EYA1: variants seen among roughly 807,000 people sequenced by gnomAD.
The protein encoded by EYA1 is EYA transcriptional coactivator and phosphatase 1.
A neutral mutation model predicts 82.0 loss-of-function variants in EYA1; 16 were observed. The observed-to-expected ratio is 0.20, with a 90% confidence interval of 0.13 to 0.30. The LOEUF is 0.30. Among genes scored for constraint, EYA1 ranks in the 10% least tolerant of loss-of-function variants. EYA1 has a pLI of 1.00. For synonymous variants in EYA1, 261 were observed against 264.4 expected (o/e 0.99, Z 0.12); for missense variants, 633 against 730.7 (o/e 0.87, Z 1.54).
chr8:71,546,169 C>T (rs1815552664), intron 1 of EYA1, among the ~76,000 whole-genome samples: 1 of 152,192 alleles, frequency 6.6e-6, no homozygotes, highest in East Asian at 1.9e-4. Flanking sequence ...CTCCAAGTCT[C>T]ATTCAAGCCA....
Position 71,269,808 on chromosome 8 carries a change from C to G in EYA1, c.982G>C (p.Asp328His). The G allele has an allele frequency of 6.2e-7, 1 of 1,613,498 alleles. No homozygotes were observed. The highest frequency in any genetic ancestry group is 2.2e-5 in the East Asian group (1 of 44,784). ...DSDLERVFIW[D>H]LDETIIVFHS... is the part of the protein sequence containing the mutation. The stretch of plus-strand genomic sequence containing the variant: ...AAAACAATGATTGTCTCATCCAAGT[C>G]CCAGATGAACACTCTCTACAAAGGA... Residue 328 changes from aspartate to histidine, a missense_variant, in exon 11 of 18, where the codon GAC becomes CAC. Coordinates refer to ENST00000340726, the MANE Select transcript of EYA1 (RefSeq NM_000503.6).
At position 71,518,397 on chromosome 8, in the gene EYA1, T is replaced by A. The variant is rs560565992; in HGVS notation, c.33+17347A>T. Among the ~76,000 whole-genome samples, 7 of 152,278 alleles carry A rather than the reference T, an allele frequency of 4.6e-5. No individual in the cohort carries two copies. The East Asian group carries it at 1.2e-3, about 25-fold the overall frequency. ...CAACTTATTAGACAGCTGACATTTT[T>A]AAAATCAGAATCTCAGTGTGCTAAA... On this transcript the variant is annotated intron_variant, in intron 2 of 18. Coordinates refer to the EYA1 transcript ENST00000643681.
chr8:71,372,067 C>T (rs1828115332), intron 2 of EYA1, among the ~76,000 whole-genome samples: 1 of 152,114 alleles, frequency 6.6e-6, no homozygotes, highest in South Asian at 2.1e-4. Context: ...TAAGATATTT[C>T]CTAGGGCATG....
intron 14 of EYA1, 104 bp downstream of exon 14, chr8:71,216,588 A>G: frequency 1.6e-6 from 2 of 1,220,366 alleles, no homozygotes; most frequent in Non-Finnish European, 2.4e-6. Context: ...CTGCCCAAAT[A>G]GAAGCTATTA....
intron 2 of EYA1, among the ~76,000 whole-genome samples, chr8:71,381,387 C>T (rs544278662): frequency 5.3e-5 from 8 of 152,286 alleles, no homozygotes; most frequent in African/African-American, 1.9e-4. Context: ...TCTGCATTAA[C>T]CTCTCCCTCA....
At chr8:71,243,202 C>A (rs764951665) in intron 12 of EYA1, among the ~76,000 whole-genome samples, 1 of 152,064 alleles carries the variant, frequency 6.6e-6, no homozygotes, top group African/African-American at 2.4e-5. Flanking sequence ...GTACCCAGGA[C>A]AAAAAATCAG....
At chr8:71,523,984 A>C (rs1813633763) in intron 2 of EYA1, among the ~76,000 whole-genome samples, 1 of 152,220 alleles carries the variant, frequency 6.6e-6, no homozygotes, top group Non-Finnish European at 1.5e-5. Context: ...TCCCCAAGTA[A>C]TTTGGAAGCT....
intron 1 of EYA1, among the ~76,000 whole-genome samples, chr8:71,540,877 A>G (rs911339730): frequency 6.6e-6 from 1 of 152,218 alleles, no homozygotes; most frequent in East Asian, 1.9e-4. Context: ...ACAGAAAAGA[A>G]AAGGGCTATT....
intron 2 of EYA1, among the ~76,000 whole-genome samples, chr8:71,500,489 G>A (rs1811734017): frequency 6.6e-6 from 1 of 152,026 alleles, no homozygotes; most frequent in Non-Finnish European, 1.5e-5. Flanking sequence ...TTCCAGTGGT[G>A]TTTCGGTGTT....
At chr8:71,353,606 A>G (rs567550887) in intron 3 of EYA1, among the ~76,000 whole-genome samples, 3 of 152,370 alleles carry the variant, frequency 2.0e-5, no homozygotes, top group East Asian at 3.9e-4. Flanking sequence ...AATAAAAATC[A>G]AAGCATCTCA....
intron 2 of EYA1, among the ~76,000 whole-genome samples, chr8:71,368,314 C>T (rs1827875332): frequency 6.6e-6 from 1 of 151,934 alleles, no homozygotes; most frequent in South Asian, 2.1e-4. Context: ...CTCTGCTGCA[C>T]GATTATCATT....
At chr8:71,308,744 A>G (rs561914593) in intron 7 of EYA1, among the ~76,000 whole-genome samples, 35 of 148,722 alleles carry the variant, frequency 2.4e-4, no homozygotes, top group African/African-American at 7.9e-4. Flanking sequence ...AGTAACAAGT[A>G]GGTCAAAGGT....
chr8:71,497,005 T>A (rs904792164), intron 2 of EYA1, among the ~76,000 whole-genome samples: 1 of 151,000 alleles, frequency 6.6e-6, no homozygotes, highest in Non-Finnish European at 1.5e-5. Context: ...CAAATGAGAT[T>A]ACATACATCA....
chr8:71,229,521 G>T (rs1000842938), intron 12 of EYA1, among the ~76,000 whole-genome samples: 6 of 152,088 alleles, frequency 3.9e-5, no homozygotes, highest in African/African-American at 1.2e-4. Context: ...CAAACACATA[G>T]ATATCATGGA....
At chr8:71,382,353 G>A (rs10957550) in intron 2 of EYA1, among the ~76,000 whole-genome samples, 40,969 of 151,830 alleles carry the variant, frequency 0.27, 6,372 homozygotes, top group East Asian at 0.71. Flanking sequence ...TTGTGACACA[G>A]AAAATATCTC....
chr8:71,508,827 C>T (rs931605723), intron 2 of EYA1, among the ~76,000 whole-genome samples: 2 of 152,100 alleles, frequency 1.3e-5, no homozygotes, highest in African/African-American at 4.8e-5. Context: ...CTTCCCAAGA[C>T]CAGGGTCATC....
At chr8:71,371,027 A>C (rs1446708402) in intron 2 of EYA1, among the ~76,000 whole-genome samples, 1 of 152,190 alleles carries the variant, frequency 6.6e-6, no homozygotes, top group Non-Finnish European at 1.5e-5. Context: ...GCAGTAAGGA[A>C]AGCTGAAAAG....
chr8:71,391,300 G>C (rs1022833168), intron 2 of EYA1, among the ~76,000 whole-genome samples: 3 of 152,066 alleles, frequency 2.0e-5, no homozygotes, highest in Admixed American at 2.0e-4. Flanking sequence ...TTCTTCTTTT[G>C]TTAATAGCTT....
intron 9 of EYA1, 125 bp from the exon 10 acceptor site, chr8:71,272,022 A>G: frequency 2.0e-6 from 2 of 1,004,984 alleles, no homozygotes; most frequent in African/African-American, 1.6e-5. Flanking sequence ...GAAATCCTAC[A>G]TCGTCTTTTA....
Sources: allele counts gnomAD v4.1 joint callset (sites outside exome capture counted in the v4.1 genomes callset), GRCh38; gene constraint gnomAD v4.1.1; transcripts MANE v1.5; gene names NCBI Gene and HGNC (gene_info 2026-07-23, HGNC 2026-07-21).